The following ZNF362 variants were observed in gnomAD, a reference collection of about 807,000 sequenced individuals.
ZNF362 encodes rotund homolog.
In ZNF362, 11 loss-of-function variants were observed where a neutral mutation model predicts 42.9. That is an observed-to-expected ratio of 0.26 (90% CI 0.16 to 0.42). The LOEUF is 0.42. Ranked by LOEUF, ZNF362 falls within the 20% of genes least tolerant of loss-of-function variation. The pLI, the probability that ZNF362 is intolerant of heterozygous loss-of-function variation, is 1.00. For missense variants in ZNF362, 362 were observed against 576.2 expected (o/e 0.63, Z 3.81); for synonymous variants, 255 against 257.3 (o/e 0.99, Z 0.09).
intron 2 of ZNF362, 59 bp downstream of exon 2, chr1:33,270,671 T>C: frequency 6.3e-7 from 1 of 1,595,610 alleles, no homozygotes; most frequent in Non-Finnish European, 8.5e-7. Flanking sequence ...CTTTGGGGGA[T>C]TAAAGCATTG....
At chr1:33,242,650 C>G in the ZNF362 span, among the ~76,000 whole-genome samples, 5 of 152,136 alleles carry the variant, frequency 3.3e-5, no homozygotes, top group Admixed American at 1.3e-4. Flanking sequence ...ATCAAGACTT[C>G]CCACGGATTA....
At chr1:33,133,962 G>A in the ZNF362 span, among the ~76,000 whole-genome samples, 1 of 152,206 alleles carries the variant, frequency 6.6e-6, no homozygotes, top group African/African-American at 2.4e-5. Flanking sequence ...TCAACCTGGC[G>A]AGCTGCCTCT....
Position 33,281,882 on chromosome 1 carries a change from A to G in ZNF362, c.908+71A>G. The G allele has an allele frequency of 1.3e-6, 2 of 1,532,614 alleles. No homozygotes were observed. The highest frequency in any genetic ancestry group is 1.8e-6 in the Non-Finnish European group (2 of 1,115,852). The allele number at this position is 1,532,614 out of a possible 1,614,324, so 94.9% of individuals were successfully genotyped here. On this transcript the variant is annotated intron_variant, in intron 6 of 8. Transcript: ENST00000539719. The surrounding 1 kb of genome is among the most constrained non-coding windows in gnomAD (Gnocchi z 4.8). ...CACCCGTGGCCTGGCACATGGAGCC[A>G]GTGCAAGGAGGGGCAAGGACCTTCT...
chr1:33,261,094 A>C (rs964766193), intron 1 of ZNF362: 1 of 152,198 alleles, frequency 6.6e-6, no homozygotes, highest in Non-Finnish European at 1.5e-5. Flanking sequence ...TTTAGGTATC[A>C]TGGAGCAGTT....
At chr1:33,228,208 C>G in the ZNF362 span, among the ~76,000 whole-genome samples, 5 of 152,252 alleles carry the variant, frequency 3.3e-5, no homozygotes, top group East Asian at 9.7e-4. Context: ...CCCCTCCACA[C>G]CTGCTCCTGC....
At chr1:33,143,856 C>T in the ZNF362 span, among the ~76,000 whole-genome samples, 2 of 152,238 alleles carry the variant, frequency 1.3e-5, no homozygotes, top group Admixed American at 6.5e-5. Context: ...CTACTTCCCT[C>T]ATTTCTGTTT....
chr1:33,189,698 C>T, the ZNF362 span, among the ~76,000 whole-genome samples: 1,774 of 4,510 alleles, frequency 0.39, 47 homozygotes, highest in Middle Eastern at 0.5. Context: ...TATATATATA[C>T]ACATATATAC....
At chr1:33,148,525 G>A in the ZNF362 span, among the ~76,000 whole-genome samples, 1 of 152,280 alleles carries the variant, frequency 6.6e-6, no homozygotes, top group African/African-American at 2.4e-5. Flanking sequence ...AGGCAGGATG[G>A]TGTTTTACCT....
the ZNF362 span, chr1:33,181,953 C>T: frequency 1.3e-5 from 2 of 155,326 alleles, no homozygotes; most frequent in Admixed American, 6.4e-5. The surrounding 1 kb of genome is among the most constrained non-coding windows in gnomAD (Gnocchi z 6.5). Context: ...GCTCAGCTGC[C>T]GGATCCCGGC....
the ZNF362 span, among the ~76,000 whole-genome samples, chr1:33,223,867 T>C: frequency 7.3e-6 from 1 of 136,944 alleles, no homozygotes; most frequent in Non-Finnish European, 1.5e-5. Flanking sequence ...CACTCCAGCC[T>C]GGGCAAAAAG....
At chr1:33,233,041 C>T in the ZNF362 span, among the ~76,000 whole-genome samples, 28 of 152,300 alleles carry the variant, frequency 1.8e-4, no homozygotes, top group Admixed American at 6.5e-4. Context: ...TGTGGCTTGT[C>T]CAGGGTCACG....
chr1:33,203,178 A>T, the ZNF362 span, among the ~76,000 whole-genome samples: 2 of 151,778 alleles, frequency 1.3e-5, no homozygotes, highest in Admixed American at 6.6e-5. Flanking sequence ...CATCTTTCTG[A>T]CTTTTCTTTT....
At chr1:33,139,121 T>C in the ZNF362 span, among the ~76,000 whole-genome samples, 1 of 152,232 alleles carries the variant, frequency 6.6e-6, no homozygotes, top group Non-Finnish European at 1.5e-5. Flanking sequence ...AGTTATGTTA[T>C]AATTTGTTAA....
chr1:33,288,328 C>T (rs1404076874), intron 6 of ZNF362, among the ~76,000 whole-genome samples: 1 of 152,074 alleles, frequency 6.6e-6, no homozygotes, highest in Non-Finnish European at 1.5e-5. Flanking sequence ...CAGTGCCAGG[C>T]AAGAGAGAAG....
At chr1:33,204,308 T>A in the ZNF362 span, among the ~76,000 whole-genome samples, 1 of 152,320 alleles carries the variant, frequency 6.6e-6, no homozygotes, top group African/African-American at 2.4e-5. Context: ...TTCTGGGCTC[T>A]CTATTCTGTT....
At chr1:33,190,983 G>A in the ZNF362 span, among the ~76,000 whole-genome samples, 1 of 152,124 alleles carries the variant, frequency 6.6e-6, no homozygotes, top group African/African-American at 2.4e-5. Context: ...ACACTTCCTA[G>A]CACCAGTTTC....
chr1:33,277,345 G>A (rs890923098), intron 4 of ZNF362, among the ~76,000 whole-genome samples: 7 of 152,246 alleles, frequency 4.6e-5, no homozygotes, highest in Admixed American at 1.3e-4. Flanking sequence ...GGCCGGCAGT[G>A]TGGCTCCAGA....
At chr1:33,190,078 CAGTT>C in the ZNF362 span, among the ~76,000 whole-genome samples, 303 of 152,262 alleles carry the variant, frequency 2.0e-3, no homozygotes, top group Admixed American at 3.5e-3. Flanking sequence ...CTCCTGTGTA[CAGTT>C]ACTGTGGTAC....
At chr1:33,161,387 A>G in the ZNF362 span, among the ~76,000 whole-genome samples, 1 of 152,056 alleles carries the variant, frequency 6.6e-6, no homozygotes, top group East Asian at 1.9e-4. The surrounding 1 kb of genome is among the most constrained non-coding windows in gnomAD (Gnocchi z 4.3). Flanking sequence ...TGCCTCTGCA[A>G]TTTTACTTTG....
Sources: allele counts gnomAD v4.1 joint callset (sites outside exome capture counted in the v4.1 genomes callset), GRCh38; gene constraint gnomAD v4.1.1; non-coding constraint Gnocchi (gnomAD v3.1); transcripts MANE v1.5; gene names NCBI Gene and HGNC (gene_info 2026-07-23, HGNC 2026-07-21).